CCDC85A: variants seen among roughly 807,000 people sequenced by gnomAD.
The protein encoded by CCDC85A is coiled-coil domain-containing protein 85A.
In CCDC85A, 38 loss-of-function variants were observed where a neutral mutation model predicts 50.2. The ratio of observed to expected loss-of-function variants is 0.76; its 90% CI spans 0.58 to 0.99. The LOEUF is 0.99. CCDC85A is among the 50% of genes least tolerant of loss of function. CCDC85A has a pLI of 0.00. For synonymous variants in CCDC85A, 366 were observed against 301.4 expected, an observed-to-expected ratio of 1.21 and a Z score of -2.22; for missense variants, 820 against 742.0, an observed-to-expected ratio of 1.11 and a Z score of -1.22.
At position 56,192,364 on chromosome 2, in the gene CCDC85A, C is replaced by T. The variant is rs1021290186; in HGVS notation, c.277-113C>T. On this transcript the variant is annotated intron_variant, in intron 1 of 5. Transcript: ENST00000407595. This position sits in a 1 kb window ranked among gnomAD's most constrained non-coding sequence, Gnocchi z 4.7. Reference sequence around the variant, plus strand: ...GCTTCCTCCTACTCCCTCACCTCCTCCCCTAACCTCACAGGTAATTCACCA... The same window carrying T: ...GCTTCCTCCTACTCCCTCACCTCCTTCCCTAACCTCACAGGTAATTCACCA... 6.8e-7 allele frequency: 1 copy of T among 1,462,070 alleles called. No individual in the cohort carries two copies. Among genetic ancestry groups the T allele is most frequent in the African/African-American group, 1.4e-5 (1 of 70,526 alleles). The allele number at this position is 1,462,070 out of a possible 1,614,324, so 90.6% of individuals were successfully genotyped here.
intron 2 of CCDC85A, among the ~76,000 whole-genome samples, chr2:56,205,628 C>T (rs7581649): frequency 6.6e-6 from 1 of 151,968 alleles, no homozygotes; most frequent in Non-Finnish European, 1.5e-5. Flanking sequence ...TGATAAGACT[C>T]ATGGATGTGA....
chr2:56,214,618 TCCCAGTACCATTTGTTGAAAGGA>T (rs2103888058), intron 2 of CCDC85A, among the ~76,000 whole-genome samples: 1 of 152,032 alleles, frequency 6.6e-6, no homozygotes, highest in South Asian at 2.1e-4. Context: ...CATCCAATTA[TCCCAGTACCATTTGTTGAAAGGA>T]CTTTATTGAA....
Position 56,225,119 on chromosome 2 carries a change from T to C in CCDC85A, c.1240+31679T>C, listed in dbSNP as rs561626697. The stretch of plus-strand genomic sequence containing the variant: ...TTTTTTTCATGAAGTGCAAATTCAT[T>C]TGTTTGTGTGTGGATATCCAGTTGT... On this transcript the variant is annotated intron_variant, in intron 2 of 5. Transcript: ENST00000407595. Among the ~76,000 whole-genome samples the C allele has an allele frequency of 1.1e-4, 17 of 152,244 alleles. No individual in the cohort carries two copies. The East Asian group carries it at 2.7e-3, about 24-fold the overall frequency.
At chr2:56,283,567 T>C (rs1266824963) in intron 2 of CCDC85A, among the ~76,000 whole-genome samples, 1 of 152,216 alleles carries the variant, frequency 6.6e-6, no homozygotes, top group Non-Finnish European at 1.5e-5. Flanking sequence ...AATTCTGATA[T>C]GTAACTTTTA....
chr2:56,247,435 AACT>A (rs1192499134), intron 2 of CCDC85A, among the ~76,000 whole-genome samples: 1 of 152,210 alleles, frequency 6.6e-6, no homozygotes, highest in African/African-American at 2.4e-5. Context: ...TACATCATGC[AACT>A]GGCACTTTTC....
rs532214034 is a variant in CCDC85A, at chr2:56,324,079, G to C, written c.1241-18800G>C. ...CTTTGTTCCATCTTAATGTTCTTGG[G>C]TACTTCTTAAGGACAAACTGCAAAT... On this transcript the variant is annotated intron_variant, in intron 2 of 5. Coordinates refer to ENST00000407595, the MANE Select transcript of CCDC85A (RefSeq NM_001080433.2). Among the ~76,000 whole-genome samples, 9 of 152,172 alleles carry C rather than the reference G, an allele frequency of 5.9e-5. No homozygotes were observed. In the East Asian group the frequency reaches 1.7e-3, roughly 29 times the overall value.
intron 2 of CCDC85A, among the ~76,000 whole-genome samples, chr2:56,334,758 G>A (rs1256567532): frequency 1.3e-5 from 2 of 152,164 alleles, no homozygotes; most frequent in Non-Finnish European, 2.9e-5. Flanking sequence ...GGAAGAATAG[G>A]GAGTATTTGA....
intron 1 of CCDC85A, among the ~76,000 whole-genome samples, chr2:56,189,798 G>C (rs1221878892): frequency 6.6e-6 from 1 of 152,148 alleles, no homozygotes; most frequent in East Asian, 1.9e-4. Flanking sequence ...GAATAGCAGG[G>C]AGTATTTTTG....
At chr2:56,346,042 T>C (rs1162236264) in intron 3 of CCDC85A, among the ~76,000 whole-genome samples, 1 of 152,196 alleles carries the variant, frequency 6.6e-6, no homozygotes, top group Non-Finnish European at 1.5e-5. Context: ...ATCCCAAGTA[T>C]GTAAAACACC....
At chr2:56,247,101 G>GAGGTTATATCCC (rs1669545128) in intron 2 of CCDC85A, among the ~76,000 whole-genome samples, 1 of 152,152 alleles carries the variant, frequency 6.6e-6, no homozygotes, top group African/African-American at 2.4e-5. Flanking sequence ...ATGTGGTTAT[G>GAGGTTATATCCC]CTATAGTGCA....
In CCDC85A at chr2:56,193,403, G is replaced by C. The variant is rs775387962; in HGVS notation, c.1203G>C (p.Gly401=). 6.2e-7 allele frequency: 1 copy of C among 1,610,618 alleles called. No individual in the cohort carries two copies. The highest frequency in any genetic ancestry group is 8.5e-7 in the Non-Finnish European group (1 of 1,178,456). ...GTLRRQAQED[G]SPHHRNVYSG... is the part of the protein sequence containing the mutation. ...TCAGACGGCAGGCACAGGAGGACGG[G>C]TCACCCCATCACCGGAATGTCTACA... The change falls in exon 2 of 6, where the codon GGG becomes GGC. Residue 401 remains glycine, a synonymous_variant. Transcript: ENST00000407595.
rs1350141150 is a variant in CCDC85A, at chr2:56,201,079, CACACACACACACACACACA to C, written c.1240+7640_1240+7658del. Among the ~76,000 whole-genome samples the C allele has an allele frequency of 3.8e-4, 52 of 137,990 alleles. 1 individual carries two copies. In the South Asian group the frequency reaches 5.7e-3, roughly 15 times the overall value. The allele number at this position is 137,990 out of a possible 152,430, so 90.5% of individuals were successfully genotyped here. A position where few individuals can be genotyped will look rare whatever the true frequency, so the allele number is the denominator to read the frequency against. ...ATTTCAATTATTTCATCTCTCTCCACACACACACACACACACACACACACACACACACACACACACACAC... is the reference window on the plus strand; with the variant it reads ...ATTTCAATTATTTCATCTCTCTCCACCACACACACACACACACACACACAC... On this transcript the variant is annotated intron_variant, in intron 2 of 5. Transcript: ENST00000407595.
chr2:56,226,547 C>T (rs1328498862), intron 2 of CCDC85A, among the ~76,000 whole-genome samples: 1 of 151,958 alleles, frequency 6.6e-6, no homozygotes, highest in Non-Finnish European at 1.5e-5. Flanking sequence ...TCAACTAAAA[C>T]TGCATGATTC....
intron 2 of CCDC85A, among the ~76,000 whole-genome samples, chr2:56,315,844 A>T (rs1672897496): frequency 6.6e-6 from 1 of 152,150 alleles, no homozygotes; most frequent in Non-Finnish European, 1.5e-5. Context: ...TAGGCAGTGT[A>T]TTTCATATTA....
intron 2 of CCDC85A, among the ~76,000 whole-genome samples, chr2:56,197,461 A>G (rs749455680): frequency 3.9e-5 from 6 of 152,150 alleles, no homozygotes; most frequent in South Asian, 4.1e-4. Flanking sequence ...TAAAATCACT[A>G]TGATAGCTTT....
intron 2 of CCDC85A, among the ~76,000 whole-genome samples, chr2:56,336,524 C>A (rs1324196237): frequency 6.6e-6 from 1 of 152,072 alleles, no homozygotes; most frequent in African/African-American, 2.4e-5. Flanking sequence ...TATTTTCTGC[C>A]CTGAGATTTT....
intron 2 of CCDC85A, among the ~76,000 whole-genome samples, chr2:56,241,039 T>C (rs935730500): frequency 2.0e-5 from 3 of 152,222 alleles, no homozygotes; most frequent in African/African-American, 7.2e-5. Flanking sequence ...CATTTGCTAT[T>C]GTCTGTCTGG....
intron 5 of CCDC85A, among the ~76,000 whole-genome samples, chr2:56,380,594 A>G (rs1006956970): frequency 4.6e-5 from 7 of 151,816 alleles, no homozygotes; most frequent in African/African-American, 1.7e-4. Context: ...ATAGACAAAT[A>G]GAAATCTATT....
At chr2:56,372,993 C>T (rs909842084) in intron 4 of CCDC85A, among the ~76,000 whole-genome samples, 5 of 152,098 alleles carry the variant, frequency 3.3e-5, no homozygotes, top group Admixed American at 6.6e-5. Context: ...ATGTATTAGT[C>T]GACTGAGAGT....
Sources: allele counts gnomAD v4.1 joint callset (sites outside exome capture counted in the v4.1 genomes callset), GRCh38; gene constraint gnomAD v4.1.1; non-coding constraint Gnocchi (gnomAD v3.1); transcripts MANE v1.5; gene names NCBI Gene and HGNC (gene_info 2026-07-23, HGNC 2026-07-21).